AZIN1: variants seen among roughly 807,000 people sequenced by gnomAD.
AZIN1 encodes the protein ornithine decarboxylase antizyme inhibitor.
A neutral mutation model predicts 47.4 loss-of-function variants in AZIN1; 12 were observed. The observed-to-expected ratio is 0.25, with a 90% CI of 0.16 to 0.41. The LOEUF (loss-of-function observed/expected upper bound fraction) is 0.41, where lower values mean the gene tolerates loss of function less well. AZIN1 is among the 10% of genes least tolerant of loss of function. The pLI, the probability that AZIN1 is intolerant of heterozygous loss-of-function variation, is 1.00. For synonymous variants in AZIN1, 155 were observed against 176.3 expected, an observed-to-expected ratio of 0.88 and a Z score of 0.96; for missense variants, 410 against 532.4, an observed-to-expected ratio of 0.77 and a Z score of 2.26.
intron 2 of AZIN1, among the ~76,000 whole-genome samples, chr8:102,856,986 C>A (rs1813335151): frequency 6.6e-6 from 1 of 152,158 alleles, no homozygotes; most frequent in Admixed American, 6.5e-5. Flanking sequence ...AGAAATTATG[C>A]CAGTTTAACA....
chr8:102,836,936 ACT>A (rs567616142), intron 5 of AZIN1, among the ~76,000 whole-genome samples: 190 of 151,950 alleles, frequency 1.3e-3, no homozygotes, highest in Non-Finnish European at 2.1e-3. Context: ...ATGGAGTTTC[ACT>A]CTGTCGCCCA....
intron 1 of AZIN1, among the ~76,000 whole-genome samples, chr8:102,863,101 A>G (rs1270754178): frequency 6.6e-6 from 1 of 152,244 alleles, no homozygotes; most frequent in Admixed American, 6.5e-5. Flanking sequence ...GGGGCGGAGC[A>G]GCAGCCTCGA....
intron 1 of AZIN1, among the ~76,000 whole-genome samples, chr8:102,863,360 A>AGGC (rs908977625): frequency 6.7e-6 from 1 of 149,768 alleles, no homozygotes; most frequent in African/African-American, 2.5e-5. Context: ...CGGGAGGCAA[A>AGGC]GGTGGCGGCG....
chr8:102,836,012 A>T (rs997493830), intron 6 of AZIN1, among the ~76,000 whole-genome samples: 1 of 152,214 alleles, frequency 6.6e-6, no homozygotes, highest in Non-Finnish European at 1.5e-5. Flanking sequence ...ACTGAATCAA[A>T]ATATTATTTG....
chr8:102,846,618 C>A (rs913647844), intron 2 of AZIN1, among the ~76,000 whole-genome samples: 1 of 152,084 alleles, frequency 6.6e-6, no homozygotes, highest in Non-Finnish European at 1.5e-5. Flanking sequence ...TCCCCAGCAC[C>A]CCATCCCTAT....
intron 2 of AZIN1, among the ~76,000 whole-genome samples, chr8:102,848,055 CA>C (rs1812683845): frequency 6.6e-6 from 1 of 152,170 alleles, no homozygotes; most frequent in Non-Finnish European, 1.5e-5. Flanking sequence ...TTTAGATACA[CA>C]GATACTTACC....
chr8:102,861,594 A>G (rs547906216), intron 1 of AZIN1, among the ~76,000 whole-genome samples: 50 of 152,322 alleles, frequency 3.3e-4, no homozygotes, highest in African/African-American at 1.2e-3. Context: ...CAACACAAAT[A>G]ATCTACTGAT....
intron 9 of AZIN1, 82 bp downstream of exon 9, chr8:102,832,974 C>G (rs374418966): frequency 2.3e-6 from 3 of 1,282,572 alleles, no homozygotes; most frequent in South Asian, 1.3e-5. Flanking sequence ...AAACCACCTA[C>G]AACTTCATGA....
chr8:102,835,731 A>C (rs1041968005), intron 6 of AZIN1, among the ~76,000 whole-genome samples: 2 of 152,234 alleles, frequency 1.3e-5, no homozygotes, highest in Non-Finnish European at 2.9e-5. Context: ...ACTTTAGTAA[A>C]AGTAGCAATG....
At chr8:102,841,809 A>T (rs1812206893) in intron 3 of AZIN1, among the ~76,000 whole-genome samples, 2 of 148,584 alleles carry the variant, frequency 1.3e-5, no homozygotes, top group African/African-American at 2.5e-5. Context: ...TATATATAAA[A>T]AAAAAAAAAA....
intron 2 of AZIN1, among the ~76,000 whole-genome samples, chr8:102,848,969 T>A (rs1395112598): frequency 6.6e-6 from 1 of 152,084 alleles, no homozygotes; most frequent in Non-Finnish European, 1.5e-5. Flanking sequence ...GGGTGAGCAG[T>A]TTATACCTTA....
chr8:102,857,015 T>G (rs928738894), intron 2 of AZIN1, among the ~76,000 whole-genome samples: 3 of 152,198 alleles, frequency 2.0e-5, no homozygotes, highest in Non-Finnish European at 4.4e-5. Flanking sequence ...ACTGTTCCAG[T>G]CCAACATTAT....
intron 1 of AZIN1, among the ~76,000 whole-genome samples, chr8:102,862,609 G>A (rs1027353247): frequency 1.3e-5 from 2 of 152,208 alleles, no homozygotes; most frequent in African/African-American, 4.8e-5. Flanking sequence ...AACCCTTGCT[G>A]TATTTGATGT....
chr8:102,838,886 C>T lies in AZIN1; in HGVS notation c.307G>A (p.Val103Ile). 1 of 1,612,814 alleles carries T rather than the reference C, an allele frequency of 6.2e-7. No individual in the cohort carries two copies. Among genetic ancestry groups the T allele is most frequent in the Non-Finnish European group, 8.5e-7 (1 of 1,179,554 alleles). ...NEMALVQELGVPPENIIYISP... is the reference protein window; with the variant it reads ...NEMALVQELGIPPENIIYISP... ...ATGTAAATAATGTTTTCTGGAGGTA[C>T]ACCCAACTCTTGCACTAAAGCCATT... is the stretch of plus-strand genomic sequence containing the variant. The change falls in exon 5 of 12, where the codon GTA becomes ATA. Residue 103 changes from valine to isoleucine, a missense_variant. This residue lies in a region of AZIN1 where 237 missense variants were observed against 309.4 expected (regional missense o/e 0.77). Transcript: ENST00000337198.
In AZIN1 at chr8:102,828,483, T is replaced by G; in HGVS notation, c.*84A>C. On this transcript the variant is annotated 3_prime_UTR_variant, in exon 12 of 12. Transcript: ENST00000337198. Reference sequence around the variant, plus strand: ...GCCAAAAGAATTAAGAGAATAAGATTGTTTAAATTATTTTTCCACACTGGA... The same window carrying G: ...GCCAAAAGAATTAAGAGAATAAGATGGTTTAAATTATTTTTCCACACTGGA... The G allele has an allele frequency of 2.3e-6, 2 of 863,812 alleles. No homozygotes were observed. Among genetic ancestry groups the G allele is most frequent in the Admixed American group, 5.7e-5 (2 of 34,822 alleles). 53.5% of individuals were successfully genotyped at this position (863,812 alleles called of 1,614,324 possible). A position where few individuals can be genotyped will look rare whatever the true frequency, so the allele number is the denominator to read the frequency against.
At chr8:102,829,713 AT>A in intron 10 of AZIN1, 107 bp downstream of exon 10, 2 of 934,316 alleles carry the variant, frequency 2.1e-6, no homozygotes, top group Non-Finnish European at 3.4e-6. Flanking sequence ...CAAAAAGGAC[AT>A]TTTTCCCCAT....
chr8:102,838,650 C>T, intron 5 of AZIN1, 94 bp downstream of exon 5: 2 of 984,078 alleles, frequency 2.0e-6, no homozygotes, highest in Admixed American at 2.7e-5. Flanking sequence ...CACATCATTG[C>T]CCTACCACAA....
At position 102,839,749 on chromosome 8, in the gene AZIN1, C is replaced by T. The variant is rs147813042; in HGVS notation, c.177G>A (p.Val59=). ...VKKHSQWQNV[V]AQIKPFYTVK... ...CTGTGTAGAATGGCTTTATCTGAGC[C>T]ACTACATTCTGCCATTGACTGTGTT... The change falls in exon 4 of 12, where the codon GTG becomes GTA. Residue 59 remains valine (V), a synonymous_variant. Coordinates refer to ENST00000337198, the MANE Select transcript of AZIN1 (RefSeq NM_148174.4). 4,934 of 1,608,748 alleles carry T rather than the reference C, an allele frequency of 3.1e-3. 45 individuals carry two copies. The highest frequency in any genetic ancestry group is 2.2e-3 in the Non-Finnish European group (2,615 of 1,177,174).
chr8:102,847,130 A>G (rs1020845097), intron 2 of AZIN1, among the ~76,000 whole-genome samples: 1 of 152,228 alleles, frequency 6.6e-6, no homozygotes. Flanking sequence ...TGTTGCAAAA[A>G]TGAAATAAAA....
Sources: gnomAD v4.1 joint callset for allele counts (sites outside exome capture counted in the v4.1 genomes callset) on GRCh38, gnomAD v4.1.1 for gene constraint, gnomAD v4.1.1 regional missense constraint, MANE v1.5 for transcripts, NCBI Gene and HGNC (gene_info 2026-07-23, HGNC 2026-07-21) for gene names.